The following PRPSAP1 variants were observed in gnomAD, a reference collection of about 807,000 sequenced individuals.
PRPSAP1 encodes phosphoribosyl pyrophosphate synthetase associated protein 1.
A neutral mutation model predicts 39.4 loss-of-function variants in PRPSAP1; 31 were observed. The ratio of observed to expected loss-of-function variants is 0.79; its 90% CI spans 0.59 to 1.06. The LOEUF (loss-of-function observed/expected upper bound fraction) is 1.06. PRPSAP1 is among the 50% of genes least tolerant of loss of function. The probability of loss-of-function intolerance (pLI) is 0.00; values close to 1 mark genes in which losing one functional copy is unlikely to be tolerated. For synonymous variants in PRPSAP1, 212 were observed against 192.6 expected (o/e 1.10, Z -0.83); for missense variants, 430 against 511.6 (o/e 0.84, Z 1.54).
chr17:76,333,981 C>T (rs775535344), intron 3 of PRPSAP1, among the ~76,000 whole-genome samples: 3 of 152,162 alleles, frequency 2.0e-5, no homozygotes, highest in South Asian at 2.1e-4. Flanking sequence ...CTCGAACTCC[C>T]GGGCTCAAGT....
At chr17:76,348,789 A>T (rs1423834537) in intron 1 of PRPSAP1, among the ~76,000 whole-genome samples, 1 of 152,182 alleles carries the variant, frequency 6.6e-6, no homozygotes, top group East Asian at 1.9e-4. Flanking sequence ...GCTTTACCAG[A>T]CAGAGCTCAC....
At chr17:76,334,505 G>A (rs532314974) in intron 3 of PRPSAP1, among the ~76,000 whole-genome samples, 11 of 152,204 alleles carry the variant, frequency 7.2e-5, no homozygotes, top group Middle Eastern at 3.4e-3. Flanking sequence ...GGGAGTGAGC[G>A]ATTTCAAAGA....
At chr17:76,313,697 G>T in intron 8 of PRPSAP1, 124 bp downstream of exon 8, 1 of 1,045,364 alleles carries the variant, frequency 9.6e-7, no homozygotes, top group Non-Finnish European at 1.4e-6. Flanking sequence ...AAGGGAGTTT[G>T]GGTGAGAAAG....
intron 7 of PRPSAP1, among the ~76,000 whole-genome samples, chr17:76,325,342 G>A (rs1039268999): frequency 7.4e-6 from 1 of 135,822 alleles, no homozygotes. Context: ...CCGGGAGGCG[G>A]AGCTTGCAGT....
intron 3 of PRPSAP1, among the ~76,000 whole-genome samples, chr17:76,335,488 G>C (rs890778843): frequency 1.3e-5 from 2 of 151,796 alleles, no homozygotes; most frequent in African/African-American, 4.8e-5. Context: ...CTCAAGTAGC[G>C]GGGATTACAG....
chr17:76,318,869 C>T (rs2071154300), intron 7 of PRPSAP1, among the ~76,000 whole-genome samples: 1 of 152,198 alleles, frequency 6.6e-6, no homozygotes, highest in Non-Finnish European at 1.5e-5. Context: ...AATCTCACCA[C>T]ATAAAATACT....
chr17:76,334,732 G>C (rs1045968140), intron 3 of PRPSAP1, among the ~76,000 whole-genome samples: 8 of 152,064 alleles, frequency 5.3e-5, no homozygotes, highest in African/African-American at 1.9e-4. Context: ...CCATTCCATT[G>C]TTTTCCAGTT....
chr17:76,351,836 C>T (rs963076946), intron 1 of PRPSAP1, among the ~76,000 whole-genome samples: 1 of 151,726 alleles, frequency 6.6e-6, no homozygotes. Context: ...CAAAAAAAAC[C>T]CTCACTGACT....
At chr17:76,352,656 AAAAAAAAAAAAGAAAAG>A (rs2071589140) in intron 1 of PRPSAP1, among the ~76,000 whole-genome samples, 1 of 150,988 alleles carries the variant, frequency 6.6e-6, no homozygotes, top group Non-Finnish European at 1.5e-5. Context: ...AAAAAAAAAA[AAAAAAAAAAAAGAAAAG>A]AAAAAGAAAA....
chr17:76,353,329 G>T (rs1598548384), intron 1 of PRPSAP1: 2 of 544,452 alleles, frequency 3.7e-6, no homozygotes, highest in East Asian at 3.5e-5. Context: ...TGAGGTCACC[G>T]AGAGTCCGCC....
intron 3 of PRPSAP1, among the ~76,000 whole-genome samples, chr17:76,339,467 A>G (rs1269399343): frequency 6.6e-6 from 1 of 151,850 alleles, no homozygotes; most frequent in Non-Finnish European, 1.5e-5. Flanking sequence ...TATGGGCTGC[A>G]CACCCACACA....
chr17:76,320,337 G>GAGGA (rs1234890784), intron 7 of PRPSAP1, among the ~76,000 whole-genome samples: 2 of 93,196 alleles, frequency 2.1e-5, no homozygotes, highest in Non-Finnish European at 3.7e-5. Context: ...GGGAGGGAGG[G>GAGGA]AGGGAGGAAG....
intron 7 of PRPSAP1, among the ~76,000 whole-genome samples, chr17:76,322,864 T>TG (rs2071212474): frequency 6.6e-6 from 1 of 151,850 alleles, no homozygotes; most frequent in Non-Finnish European, 1.5e-5. Flanking sequence ...CACGTACCTG[T>TG]GGTCCCAGCT....
In PRPSAP1 at chr17:76,336,822, C is replaced by T. The variant is rs146967612; in HGVS notation, c.291-4387G>A. Reference sequence around the variant, plus strand: ...AGGGATTCAACATCCTCCAGCCCAACGCTAAAGAAAGCTCCATACCTCACC... The same window carrying T: ...AGGGATTCAACATCCTCCAGCCCAATGCTAAAGAAAGCTCCATACCTCACC... On this transcript the variant is annotated intron_variant, in intron 3 of 9. Transcript: ENST00000446526. 7.3e-5 allele frequency among the ~76,000 whole-genome samples: 11 copies of T among 151,676 alleles called. No homozygotes were observed. The East Asian group carries it at 1.2e-3, about 16-fold the overall frequency.
intron 7 of PRPSAP1, among the ~76,000 whole-genome samples, chr17:76,324,211 A>T (rs762418974): frequency 6.6e-6 from 1 of 151,836 alleles, no homozygotes; most frequent in East Asian, 1.9e-4. Context: ...TTTGTAGTTC[A>T]TAAGTGTGAT....
At chr17:76,322,272 T>C (rs187966952) in intron 7 of PRPSAP1, among the ~76,000 whole-genome samples, 1 of 152,222 alleles carries the variant, frequency 6.6e-6, no homozygotes, top group East Asian at 1.9e-4. Context: ...GGTGTACGCC[T>C]GTAATCCCAG....
intron 2 of PRPSAP1, among the ~76,000 whole-genome samples, chr17:76,348,250 GTCCC>G (rs1255212786): frequency 6.6e-6 from 1 of 151,746 alleles, no homozygotes; most frequent in African/African-American, 2.4e-5. Flanking sequence ...AGGCAATAGG[GTCCC>G]CTGAGGTCAG....
At chr17:76,341,898 C>T (rs1299549953) in intron 3 of PRPSAP1, among the ~76,000 whole-genome samples, 1 of 152,120 alleles carries the variant, frequency 6.6e-6, no homozygotes, top group Non-Finnish European at 1.5e-5. Context: ...AAGATTGCGC[C>T]ACTGCACCCC....
chr17:76,354,170 G>A, upstream of PRPSAP1: 1 of 989,754 alleles, frequency 1.0e-6, no homozygotes, highest in Non-Finnish European at 1.2e-6. Context: ...CAACATGTCC[G>A]CCTCCGAGGA....
Sources: gnomAD v4.1 joint callset for allele counts (sites outside exome capture counted in the v4.1 genomes callset) on GRCh38, gnomAD v4.1.1 for gene constraint, MANE v1.5 for transcripts, NCBI Gene and HGNC (gene_info 2026-07-23, HGNC 2026-07-21) for gene names.